The following MYT1L variants were observed in gnomAD, a reference collection of about 807,000 sequenced individuals.
MYT1L encodes myelin transcription factor 1-like protein.
MYT1L carries 12 observed loss-of-function variants against 126.7 expected under a neutral mutation model. The observed-to-expected ratio is 0.09, with a 90% confidence interval of 0.06 to 0.15. The LOEUF (loss-of-function observed/expected upper bound fraction) is 0.15. Ranked by LOEUF, MYT1L falls within the 10% of genes least tolerant of loss-of-function variation. MYT1L has a pLI of 1.00. For missense variants in MYT1L, 979 were observed against 1,585.2 expected, an observed-to-expected ratio of 0.62 and a Z score of 6.49; for synonymous variants, 541 against 604.2, an observed-to-expected ratio of 0.90 and a Z score of 1.53.
chr2:1,816,169 G>T (rs148352774), intron 21 of MYT1L: 15 of 152,592 alleles, frequency 9.8e-5, no homozygotes, highest in African/African-American at 3.6e-4. Context: ...CAGAAATTTT[G>T]ATGGCTTAAA....
intron 2 of MYT1L, among the ~76,000 whole-genome samples, chr2:2,177,116 C>T (rs1246107075): frequency 3.9e-5 from 6 of 152,168 alleles, no homozygotes; most frequent in African/African-American, 7.2e-5. Flanking sequence ...GTAGCGGGGA[C>T]GATGTCGTCA....
chr2:2,308,616 C>T (rs1263551502), intron 1 of MYT1L, among the ~76,000 whole-genome samples: 3 of 151,952 alleles, frequency 2.0e-5, no homozygotes, highest in Non-Finnish European at 2.9e-5. Context: ...CCATACTCCA[C>T]TTATACTTCC....
At chr2:2,320,962 C>T (rs2096153673) in intron 1 of MYT1L, among the ~76,000 whole-genome samples, 1 of 152,244 alleles carries the variant, frequency 6.6e-6, no homozygotes, top group Non-Finnish European at 1.5e-5. Context: ...GCCAGGAGAC[C>T]ATACATCCGT....
At chr2:2,032,349 C>T (rs2066412743) in intron 4 of MYT1L, among the ~76,000 whole-genome samples, 1 of 112,348 alleles carries the variant, frequency 8.9e-6, no homozygotes, top group Non-Finnish European at 1.8e-5. Flanking sequence ...GGGCCTTATA[C>T]ACACACCCGT....
chr2:2,042,086 G>C (rs1421432631), intron 4 of MYT1L, among the ~76,000 whole-genome samples: 1 of 152,168 alleles, frequency 6.6e-6, no homozygotes, highest in Non-Finnish European at 1.5e-5. Flanking sequence ...TCAGTGGCAA[G>C]GGAAGGGCAC....
At chr2:1,908,061 G>A (rs1366783529) in intron 13 of MYT1L, among the ~76,000 whole-genome samples, 1 of 152,228 alleles carries the variant, frequency 6.6e-6, no homozygotes, top group African/African-American at 2.4e-5. Flanking sequence ...GCCCTGTCCT[G>A]GCCTGGTTCC....
At chr2:1,966,936 T>C (rs1284804233) in intron 8 of MYT1L, among the ~76,000 whole-genome samples, 8 of 152,200 alleles carry the variant, frequency 5.3e-5, no homozygotes, top group Admixed American at 5.2e-4. Flanking sequence ...AACAATAGAT[T>C]ATTTTTTTTC....
intron 3 of MYT1L, among the ~76,000 whole-genome samples, chr2:2,144,089 C>G (rs993241272): frequency 6.6e-6 from 1 of 152,102 alleles, no homozygotes; most frequent in Non-Finnish European, 1.5e-5. Context: ...CATGTACCCC[C>G]TAAAATCTAA....
At chr2:2,210,385 AAATTT>A (rs146181352) in intron 2 of MYT1L, among the ~76,000 whole-genome samples, 1,988 of 152,288 alleles carry the variant, frequency 0.013, 38 homozygotes, top group African/African-American at 0.042. Flanking sequence ...TGAGATGTTT[AAATTT>A]AAGTTTTTAA....
chr2:1,849,277 T>C (rs1282548779), intron 19 of MYT1L, among the ~76,000 whole-genome samples: 1 of 152,140 alleles, frequency 6.6e-6, no homozygotes, highest in African/African-American at 2.4e-5. Context: ...GACCAAGACA[T>C]CGCTTTTCTA....
chr2:2,100,504 T>C (rs1054519059), intron 3 of MYT1L, among the ~76,000 whole-genome samples: 36 of 152,150 alleles, frequency 2.4e-4, no homozygotes, highest in African/African-American at 8.4e-4. Context: ...GCGATACCCT[T>C]TCTTGGGAAC....
chr2:1,966,217 G>A (rs538884444), intron 8 of MYT1L, among the ~76,000 whole-genome samples: 3 of 152,330 alleles, frequency 2.0e-5, no homozygotes, highest in East Asian at 1.9e-4. Context: ...CTCCTCTAAC[G>A]CTGAGTGAGC....
chr2:2,216,984 A>G (rs144159682), intron 2 of MYT1L, among the ~76,000 whole-genome samples: 314 of 152,350 alleles, frequency 2.1e-3, no homozygotes, highest in African/African-American at 7.0e-3. Context: ...AATAAGAAAT[A>G]GGTATCTTGG....
At chr2:2,214,073 A>G (rs1349131025) in intron 2 of MYT1L, among the ~76,000 whole-genome samples, 2 of 151,902 alleles carry the variant, frequency 1.3e-5, no homozygotes, top group Non-Finnish European at 3.0e-5. Context: ...TTAATGACAT[A>G]TTAGACCTTG....
chr2:2,135,986 A>T (rs1024590444), intron 3 of MYT1L, among the ~76,000 whole-genome samples: 5 of 152,350 alleles, frequency 3.3e-5, no homozygotes, highest in Admixed American at 3.3e-4. Context: ...AATGTTCATC[A>T]GTGATAGACT....
intron 4 of MYT1L, among the ~76,000 whole-genome samples, chr2:2,018,437 G>A (rs1399768895): frequency 6.6e-6 from 1 of 152,128 alleles, no homozygotes; most frequent in Non-Finnish European, 1.5e-5. Context: ...ACCTGCATTG[G>A]TCACTAGTAA....
At chr2:2,058,708 T>TA (rs2069957223) in intron 3 of MYT1L, among the ~76,000 whole-genome samples, 1 of 152,228 alleles carries the variant, frequency 6.6e-6, no homozygotes, top group Admixed American at 6.5e-5. Flanking sequence ...ATAACAGTAG[T>TA]AAAAGTGGCA....
At chr2:1,855,194 A>T (rs1353847678) in intron 18 of MYT1L, among the ~76,000 whole-genome samples, 1 of 152,212 alleles carries the variant, frequency 6.6e-6, no homozygotes, top group Non-Finnish European at 1.5e-5. Flanking sequence ...AAGTCGATGG[A>T]TGGGGAAGTG....
chr2:2,177,287 T>C (rs761139290), intron 2 of MYT1L, among the ~76,000 whole-genome samples: 1 of 152,236 alleles, frequency 6.6e-6, no homozygotes, highest in Non-Finnish European at 1.5e-5. Context: ...TATGCATAGA[T>C]ACCTGCATAA....
Sources: allele counts gnomAD v4.1 joint callset (sites outside exome capture counted in the v4.1 genomes callset), GRCh38; gene constraint gnomAD v4.1.1; transcripts MANE v1.5; gene names NCBI Gene and HGNC (gene_info 2026-07-23, HGNC 2026-07-21).